Variants in OGG1 observed in about 807,000 individuals in gnomAD.
OGG1 encodes N-glycosylase/DNA lyase.
Under a neutral mutation model 42.3 loss-of-function variants are expected in OGG1, and 35 were observed. The ratio of observed to expected loss-of-function variants is 0.83; its 90% CI spans 0.63 to 1.10. The LOEUF is 1.10. Ranked by LOEUF, OGG1 falls within the 50% of genes least tolerant of loss-of-function variation. The probability of loss-of-function intolerance (pLI) is 0.00; values close to 1 mark genes in which losing one functional copy is unlikely to be tolerated. For synonymous variants in OGG1, 189 were observed against 179.0 expected, an observed-to-expected ratio of 1.06 and a Z score of -0.44; for missense variants, 484 against 446.7, an observed-to-expected ratio of 1.08 and a Z score of -0.75.
intron 2 of OGG1, among the ~76,000 whole-genome samples, chr3:9,774,055 A>G (rs954537310): frequency 1.3e-5 from 2 of 152,158 alleles, no homozygotes; most frequent in African/African-American, 4.8e-5. Context: ...AAGAGTGAGT[A>G]GTTAACTAAG....
downstream of OGG1, among the ~76,000 whole-genome samples, chr3:9,768,922 G>A (rs1428987875): frequency 6.6e-6 from 1 of 152,010 alleles, no homozygotes; most frequent in African/African-American, 2.4e-5. Flanking sequence ...TCTAGAGGCA[G>A]AGTCTGAAAC....
At chr3:9,764,713 A>C (rs1575252920) in intron 7 of OGG1, among the ~76,000 whole-genome samples, 1 of 130,638 alleles carries the variant, frequency 7.7e-6, no homozygotes, top group Admixed American at 8.3e-5. Context: ...GCTCACCGCA[A>C]CCTCCACCTC....
rs1270623025 is a variant in OGG1 at position 9,750,950 on chromosome 3, G to A, written c.143G>A (p.Arg48Lys). Residue 48 changes from arginine (R) to lysine (K), a missense_variant, in exon 2 of 7, where the codon AGG becomes AAG. Transcript: ENST00000344629. Reference sequence around the variant, plus strand: ...GTCATGTGCCTTGGGCTCAGGTGGAGGGAGCAAAGTCCTGCACACTGGAGT... The same window carrying A: ...GTCATGTGCCTTGGGCTCAGGTGGAAGGAGCAAAGTCCTGCACACTGGAGT... ...VLPSGQSFRW[R>K]EQSPAHWSGV... is the part of the protein sequence containing the mutation. 1.3e-5 allele frequency: 21 copies of A among 1,614,008 alleles called. No homozygotes were observed. Among genetic ancestry groups the A allele is most frequent in the Non-Finnish European group, 1.8e-5 (21 of 1,179,998 alleles).
exon 8 of OGG1, chr3:9,765,891 C>G: frequency 6.2e-7 from 1 of 1,614,162 alleles, no homozygotes; most frequent in Non-Finnish European, 8.5e-7. Flanking sequence ...GAAGGCCCCC[C>G]TATCGGGAGA....
At chr3:9,759,122 G>A (rs1159906294), downstream of OGG1, 8 of 1,330,944 alleles carry the variant, frequency 6.0e-6, no homozygotes, top group Non-Finnish European at 8.7e-6. Context: ...CTTAGCACTT[G>A]CACTTCCCGG....
chr3:9,780,230 C>T (rs14204), intron 2 of OGG1: 213,408 of 997,590 alleles, frequency 0.21, 25,247 homozygotes, highest in East Asian at 0.5. Flanking sequence ...GGAAGGGCCA[C>T]GGCCCTCTAG....
At chr3:9,786,905 G>T in intron 3 of OGG1, 3 of 1,111,692 alleles carry the variant, frequency 2.7e-6, no homozygotes, top group Non-Finnish European at 4.0e-6. Context: ...ACCTATTTTT[G>T]CACCAACCTA....
At chr3:9,765,880 A>T in exon 8 of OGG1, 8 of 1,614,032 alleles carry the variant, frequency 5.0e-6, no homozygotes, top group Non-Finnish European at 6.8e-6. Context: ...ATCACCTCCG[A>T]GAAGGCCCCC....
At chr3:9,779,188 C>T (rs565025076) in intron 2 of OGG1, among the ~76,000 whole-genome samples, 49 of 152,290 alleles carry the variant, frequency 3.2e-4, no homozygotes, top group African/African-American at 1.2e-3. Context: ...TTTACTCTCT[C>T]TCCACCACCT....
chr3:9,755,576 G>C (rs1406987746), intron 4 of OGG1, among the ~76,000 whole-genome samples: 1 of 149,384 alleles, frequency 6.7e-6, no homozygotes, highest in African/African-American at 2.5e-5. Context: ...CTATTCTCCT[G>C]CCTCAGCCTC....
intron 3 of OGG1, chr3:9,784,340 A>G: frequency 8.2e-7 from 1 of 1,225,970 alleles, no homozygotes; most frequent in Non-Finnish European, 1.1e-6. Flanking sequence ...CTCTGTATCT[A>G]TCCAGATACA....
At chr3:9,761,621 C>A (rs188672077), downstream of OGG1, 3 of 1,614,144 alleles carry the variant, frequency 1.9e-6, no homozygotes, top group Non-Finnish European at 2.5e-6. Context: ...CAGCCCAGGG[C>A]CCTCCGCACC....
exon 8 of OGG1, chr3:9,766,036 C>T: frequency 2.5e-6 from 4 of 1,607,686 alleles, no homozygotes; most frequent in Non-Finnish European, 3.4e-6. Context: ...CCCCTGGCTC[C>T]AGAGATGGTC....
chr3:9,774,237 C>T (rs1170316457), intron 2 of OGG1, among the ~76,000 whole-genome samples: 2 of 151,832 alleles, frequency 1.3e-5, no homozygotes, highest in Non-Finnish European at 2.9e-5. Context: ...AGTGAAACCC[C>T]ATCTCTACTA....
downstream of OGG1, chr3:9,757,943 T>C (rs1029277387): frequency 8.6e-6 from 13 of 1,506,228 alleles, no homozygotes; most frequent in Non-Finnish European, 1.2e-5. The surrounding 1 kb of genome is among the most constrained non-coding windows in gnomAD (Gnocchi z 4.5). Flanking sequence ...AATTGTTCTG[T>C]TATTTTCATT....
intron 3 of OGG1, chr3:9,785,549 G>A (rs769395676): frequency 2.4e-5 from 16 of 668,018 alleles, no homozygotes; most frequent in East Asian, 8.3e-5. Context: ...CCCACCTACC[G>A]TGGGAAGCCT....
chr3:9,761,712 T>C (rs767015539), downstream of OGG1: 7 of 1,614,024 alleles, frequency 4.3e-6, no homozygotes, highest in African/African-American at 4.0e-5. Context: ...TCGGAGATCA[T>C]GATTTTGGAG....
intron 2 of OGG1, chr3:9,780,651 C>T: frequency 1.6e-6 from 2 of 1,260,734 alleles, no homozygotes; most frequent in Admixed American, 2.5e-5. Flanking sequence ...GCTGGCATGC[C>T]TGTGGATTGT....
At chr3:9,751,375 T>C (rs2077296669) in intron 2 of OGG1, among the ~76,000 whole-genome samples, 183 bp downstream of exon 2, 1 of 152,324 alleles carries the variant, frequency 6.6e-6, no homozygotes, top group South Asian at 2.1e-4. Context: ...TTATTACCAT[T>C]ATTATTATCC....
Sources: allele counts gnomAD v4.1 joint callset (sites outside exome capture counted in the v4.1 genomes callset), GRCh38; gene constraint gnomAD v4.1.1; non-coding constraint Gnocchi (gnomAD v3.1); transcripts MANE v1.5; gene names NCBI Gene and HGNC (gene_info 2026-07-23, HGNC 2026-07-21).